Variants in APOBEC2 observed in about 807,000 individuals in gnomAD.
APOBEC2 encodes apolipoprotein B mRNA editing enzyme catalytic subunit 2, also known as C->U-editing enzyme APOBEC-2.
Under a neutral mutation model 19.4 loss-of-function variants are expected in APOBEC2, and 14 were observed. That is an observed-to-expected ratio of 0.72 (90% CI 0.48 to 1.13). APOBEC2 has a LOEUF of 1.13. Ranked by LOEUF, APOBEC2 falls within the 50% of genes most tolerant of loss-of-function variation. APOBEC2 has a pLI of 0.00. For synonymous variants in APOBEC2, 127 were observed against 112.1 expected, an observed-to-expected ratio of 1.13 and a Z score of -0.84; for missense variants, 304 against 277.0, an observed-to-expected ratio of 1.10 and a Z score of -0.69.
rs1762758052 is a variant in APOBEC2, at chr6:41,053,606, C to A, written c.131+128C>A. ...ACAACCCTGCAGCAGTGAGAGTGCA[C>A]CAGTGGGCCCGGCAGGGGTGGTAGG... On this transcript the variant is annotated intron_variant, in intron 1 of 2. Coordinates refer to ENST00000244669, the MANE Select transcript of APOBEC2 (RefSeq NM_006789.4). 8 of 1,397,832 alleles carry A rather than the reference C, an allele frequency of 5.7e-6. 1 individual carries two copies. In the Admixed American group the frequency reaches 1.2e-4, roughly 20 times the overall value. The allele number at this position is 1,397,832 out of a possible 1,614,324, so 86.6% of individuals were successfully genotyped here. A position where few individuals can be genotyped will look rare whatever the true frequency, so the allele number is the denominator to read the frequency against.
intron 1 of APOBEC2, among the ~76,000 whole-genome samples, chr6:41,057,355 G>C (rs1236243163): frequency 6.6e-6 from 1 of 152,082 alleles, no homozygotes; most frequent in Non-Finnish European, 1.5e-5. Flanking sequence ...TGGCCAACCT[G>C]CCTTCCACAG....
rs776409649 is a variant in APOBEC2 at position 41,064,082 on chromosome 6, C to G, written c.*22-19C>G. ...AGCAGAGCTCTCAGTAACACATTTTCTTTGTTTGTTTTACCAAGGTATTCC... is the reference window on the plus strand; with the variant it reads ...AGCAGAGCTCTCAGTAACACATTTTGTTTGTTTGTTTTACCAAGGTATTCC... On this transcript the variant is annotated intron_variant, in intron 2 of 2. Transcript: ENST00000244669. The G allele has an allele frequency of 7.2e-5, 11 of 152,522 alleles. No homozygotes were observed. Among genetic ancestry groups the G allele is most frequent in the Non-Finnish European group, 1.0e-4 (7 of 68,004 alleles). The allele number at this position is 152,522 out of a possible 1,614,324, so 9.4% of individuals were successfully genotyped here.
chr6:41,059,138 G>A (rs1160252599), intron 1 of APOBEC2, among the ~76,000 whole-genome samples: 1 of 152,190 alleles, frequency 6.6e-6, no homozygotes, highest in East Asian at 1.9e-4. Context: ...TGCATGCTGG[G>A]CCAAATTCAC....
chr6:41,059,357 A>G (rs866209729), intron 1 of APOBEC2, among the ~76,000 whole-genome samples: 1 of 152,122 alleles, frequency 6.6e-6, no homozygotes, highest in Non-Finnish European at 1.5e-5. Context: ...TTGGGCAGGA[A>G]CGGTAAGCTC....
At chr6:41,056,326 G>A (rs1396651043) in intron 1 of APOBEC2, among the ~76,000 whole-genome samples, 1 of 152,182 alleles carries the variant, frequency 6.6e-6, no homozygotes, top group African/African-American at 2.4e-5. Flanking sequence ...TGACTGTGTT[G>A]CCCAGGCTGC....
rs765285720 is a variant in APOBEC2 at position 41,061,470 on chromosome 6, G to C, written c.274G>C (p.Asp92His). 3 of 1,613,872 alleles carry C rather than the reference G, an allele frequency of 1.9e-6. No individual in the cohort carries two copies. The highest frequency in any genetic ancestry group is 3.3e-5 in the Admixed American group (2 of 59,990). The part of the protein sequence containing the change: ...QVQASRGYLE[D>H]EHAAAHAEEA... ...GCAGGCATCTCGGGGATACCTAGAGGATGAGCATGCGGCTGCCCATGCAGA... is the reference window on the plus strand; with the variant it reads ...GCAGGCATCTCGGGGATACCTAGAGCATGAGCATGCGGCTGCCCATGCAGA... Residue 92 changes from aspartate (D) to histidine (H), a missense_variant, in exon 2 of 3, where the codon GAT (aspartate) becomes CAT (histidine). Coordinates refer to ENST00000244669, the MANE Select transcript of APOBEC2 (RefSeq NM_006789.4).
intron 1 of APOBEC2, among the ~76,000 whole-genome samples, chr6:41,054,865 A>G (rs1762774912): frequency 1.3e-5 from 2 of 151,676 alleles, no homozygotes; most frequent in Non-Finnish European, 2.9e-5. Context: ...TGTGCACACT[A>G]CACTCTTGTG....
At chr6:41,054,812 T>TA (rs1312702584) in intron 1 of APOBEC2, among the ~76,000 whole-genome samples, 1 of 152,172 alleles carries the variant, frequency 6.6e-6, no homozygotes, top group Non-Finnish European at 1.5e-5. Context: ...TTCTAACACC[T>TA]AAGCATGCTG....
intron 2 of APOBEC2, among the ~76,000 whole-genome samples, chr6:41,063,893 T>C (rs1486247151): frequency 6.6e-6 from 1 of 151,876 alleles, no homozygotes. Flanking sequence ...TTTTTCTGTG[T>C]AAACCACATC....
chr6:41,061,449 G>T lies in APOBEC2; in HGVS notation c.253G>T (p.Ala85Ser). ...EAQGKGGQVQ[A>S]SRGYLEDEHA... ...ACAGGGCAAGGGGGGCCAAGTGCAGGCATCTCGGGGATACCTAGAGGATGA... is the reference window on the plus strand; with the variant it reads ...ACAGGGCAAGGGGGGCCAAGTGCAGTCATCTCGGGGATACCTAGAGGATGA... Residue 85 changes from alanine to serine, a missense_variant, in exon 2 of 3, where the codon GCA (alanine) becomes TCA (serine). Coordinates refer to ENST00000244669, the MANE Select transcript of APOBEC2 (RefSeq NM_006789.4). The T allele has an allele frequency of 6.2e-7, 1 of 1,613,544 alleles. No homozygotes were observed. Among genetic ancestry groups the T allele is most frequent in the Non-Finnish European group, 8.5e-7 (1 of 1,179,722 alleles).
chr6:41,061,079 C>T (rs184564777), intron 1 of APOBEC2, among the ~76,000 whole-genome samples: 4 of 151,456 alleles, frequency 2.6e-5, no homozygotes, highest in African/African-American at 9.7e-5. Flanking sequence ...AGACAATGTC[C>T]TAGTAGGGTG....
intron 1 of APOBEC2, among the ~76,000 whole-genome samples, chr6:41,058,757 C>T (rs1305885079): frequency 1.3e-5 from 2 of 152,180 alleles, no homozygotes; most frequent in African/African-American, 4.8e-5. Context: ...TCTCATCTGA[C>T]CTTTTTGCTC....
intron 1 of APOBEC2, among the ~76,000 whole-genome samples, chr6:41,058,950 G>A (rs1398431486): frequency 1.3e-5 from 2 of 152,140 alleles, no homozygotes; most frequent in African/African-American, 2.4e-5. Flanking sequence ...AGGGCTGCTG[G>A]CCAGAGGGGT....
chr6:41,061,917 C>G, intron 2 of APOBEC2, 25 bp downstream of exon 2: 1 of 1,569,678 alleles, frequency 6.4e-7, no homozygotes, highest in Non-Finnish European at 8.6e-7. Context: ...TGCCATGGCA[C>G]CAACACTTTA....
At chr6:41,063,709 C>CA (rs1762911332) in intron 2 of APOBEC2, among the ~76,000 whole-genome samples, 1 of 147,196 alleles carries the variant, frequency 6.8e-6, no homozygotes. Context: ...TCTAAAAGCC[C>CA]AAAAGAACAA....
At chr6:41,056,801 C>G (rs1235172691) in intron 1 of APOBEC2, among the ~76,000 whole-genome samples, 5 of 152,178 alleles carry the variant, frequency 3.3e-5, no homozygotes, top group African/African-American at 9.7e-5. Flanking sequence ...TTCTTAGGCT[C>G]TCTGTCAGAC....
Position 41,061,602 on chromosome 6 carries a change from A to G in APOBEC2, c.406A>G (p.Ile136Val), listed in dbSNP as rs148193280. Residue 136 changes from isoleucine to valine, a missense_variant, in exon 2 of 3, where the codon ATC (isoleucine) becomes GTC (valine). Coordinates refer to ENST00000244669, the MANE Select transcript of APOBEC2 (RefSeq NM_006789.4). Reference protein sequence around the residue: ...SPCAACADRIIKTLSKTKNLR... With the variant: ...SPCAACADRIVKTLSKTKNLR... ...CTGTGCAGCGTGTGCTGACCGCATT[A>G]TCAAAACCCTTAGCAAGACCAAGAA... is the stretch of plus-strand genomic sequence containing the variant. 159 of 1,614,232 alleles carry G rather than the reference A, an allele frequency of 9.8e-5. No homozygotes were observed. In the African/African-American group the frequency reaches 1.6e-3, roughly 16 times the overall value.
At chr6:41,062,994 T>C (rs1489576515) in intron 2 of APOBEC2, among the ~76,000 whole-genome samples, 1 of 152,210 alleles carries the variant, frequency 6.6e-6, no homozygotes, top group Non-Finnish European at 1.5e-5. Context: ...TACTAAAACA[T>C]GAAAACAACA....
chr6:41,058,292 A>ACC, intron 1 of APOBEC2, among the ~76,000 whole-genome samples: 1 of 148,370 alleles, frequency 6.7e-6, no homozygotes, highest in African/African-American at 2.5e-5. Flanking sequence ...ACACCCACAC[A>ACC]CACACACACA....
Sources: allele counts gnomAD v4.1 joint callset (sites outside exome capture counted in the v4.1 genomes callset), GRCh38; gene constraint gnomAD v4.1.1; transcripts MANE v1.5; gene names NCBI Gene and HGNC (gene_info 2026-07-23, HGNC 2026-07-21).